C1QTNF2: variants seen among roughly 807,000 people sequenced by gnomAD.
The protein encoded by C1QTNF2 is C1q and TNF related 2, also known as complement C1q tumor necrosis factor-related protein 2.
C1QTNF2 carries 15 observed loss-of-function variants against 17.4 expected under a neutral mutation model. The ratio of observed to expected loss-of-function variants is 0.86; its 90% CI spans 0.58 to 1.33. The LOEUF is 1.33. Among genes scored for constraint, C1QTNF2 ranks in the 40% most tolerant of loss-of-function variants. The pLI is 0.00. For synonymous variants in C1QTNF2, 154 were observed against 163.3 expected, an observed-to-expected ratio of 0.94 and a Z score of 0.44; for missense variants, 381 against 392.3, an observed-to-expected ratio of 0.97 and a Z score of 0.24.
Position 160,354,596 on chromosome 5 carries a change from AAG to A in C1QTNF2, c.244+170_244+171del, listed in dbSNP as rs1491019054. Among the ~76,000 whole-genome samples, 389 of 49,620 alleles carry A rather than the reference AAG, an allele frequency of 7.8e-3. 3 individuals carry two copies. The highest frequency in any genetic ancestry group is 0.029 in the African/African-American group (321 of 10,982). 32.6% of individuals were successfully genotyped at this position (49,620 alleles called of 152,430 possible). On this transcript the variant is annotated intron_variant, in intron 2 of 2. Coordinates refer to ENST00000652664, the MANE Select transcript of C1QTNF2 (RefSeq NM_031908.6). ...TCTGTCTCAAGGGGAAAAAAAAAAA[AAG>A]TATATATATATATATATATATATAT...
chr5:160,349,083 AC>A lies in C1QTNF2; in HGVS notation c.*84del. On this transcript the variant is annotated 3_prime_UTR_variant, in exon 3 of 3. Transcript: ENST00000652664. The surrounding 1 kb of genome is among the most constrained non-coding windows in gnomAD (Gnocchi z 4.3). ...GCTAGAACCGCTCACTCGACCCCCCACCCCCAGCCTACAGTTGTGGGGTCTT... is the reference window on the plus strand; with the variant it reads ...GCTAGAACCGCTCACTCGACCCCCCACCCCAGCCTACAGTTGTGGGGTCTT... The A allele has an allele frequency of 6.6e-7, 1 of 1,504,966 alleles. No homozygotes were observed. The allele number at this position is 1,504,966 out of a possible 1,614,324, so 93.2% of individuals were successfully genotyped here.
At chr5:160,363,958 T>G (rs555933787) in intron 1 of C1QTNF2, among the ~76,000 whole-genome samples, 2 of 151,974 alleles carry the variant, frequency 1.3e-5, no homozygotes, top group South Asian at 2.1e-4. Flanking sequence ...GGTGGGGGAG[T>G]GGGTGTGAGC....
At chr5:160,356,372 G>A (rs923302154) in intron 1 of C1QTNF2, among the ~76,000 whole-genome samples, 15 of 152,192 alleles carry the variant, frequency 9.9e-5, no homozygotes, top group African/African-American at 2.7e-4. Context: ...ACTTCAGTGC[G>A]CATCACACTC....
intron 1 of C1QTNF2, among the ~76,000 whole-genome samples, chr5:160,357,891 C>T (rs1418068614): frequency 6.6e-6 from 1 of 151,138 alleles, no homozygotes; most frequent in African/African-American, 2.4e-5. Flanking sequence ...GAAAAGAGAG[C>T]CAGCCGGACG....
chr5:160,359,788 G>C (rs2113524077), intron 1 of C1QTNF2, among the ~76,000 whole-genome samples: 1 of 152,296 alleles, frequency 6.6e-6, no homozygotes, highest in South Asian at 2.1e-4. Context: ...TGAACCAAAA[G>C]ATCAGGGTGT....
At position 160,349,039 on chromosome 5, in the gene C1QTNF2, C is replaced by T. The variant is rs1763853803; in HGVS notation, c.*129G>A. The T allele has an allele frequency of 9.0e-6, 10 of 1,113,790 alleles. No individual in the cohort carries two copies. The highest frequency in any genetic ancestry group is 6.5e-5 in the South Asian group (4 of 61,390). The allele number at this position is 1,113,790 out of a possible 1,614,324, so 69.0% of individuals were successfully genotyped here. A position where few individuals can be genotyped will look rare whatever the true frequency, so the allele number is the denominator to read the frequency against. The stretch of plus-strand genomic sequence containing the variant: ...ATTTAATGAAGGGGAAAAAAAGAGG[C>T]AGAGGAGGTGAGCCTGAGGCTAGAA... On this transcript the variant is annotated 3_prime_UTR_variant, in exon 3 of 3. Transcript: ENST00000652664. This position sits in a 1 kb window ranked among gnomAD's most constrained non-coding sequence, Gnocchi z 4.3.
intron 2 of C1QTNF2, among the ~76,000 whole-genome samples, chr5:160,350,835 C>A (rs1329963885): frequency 6.6e-6 from 1 of 151,546 alleles, no homozygotes; most frequent in Non-Finnish European, 1.5e-5. Flanking sequence ...ACTGCAAGCT[C>A]CGCCTCCCAG....
intron 1 of C1QTNF2, among the ~76,000 whole-genome samples, chr5:160,359,141 AT>A (rs1018813899): frequency 1.2e-4 from 17 of 147,808 alleles, no homozygotes; most frequent in African/African-American, 3.2e-4. Flanking sequence ...TTATTGTCCC[AT>A]TTTTTTTTTC....
intron 1 of C1QTNF2, among the ~76,000 whole-genome samples, chr5:160,367,325 C>T (rs1226327099): frequency 6.6e-6 from 1 of 152,218 alleles, no homozygotes; most frequent in Non-Finnish European, 1.5e-5. Flanking sequence ...GGCAGGTCAA[C>T]AGGTAGCTGC....
rs1763879303 is a variant in C1QTNF2 at position 160,349,717 on chromosome 5, C to G, written c.309G>C (p.Gly103=). The G allele has an allele frequency of 1.9e-6, 3 of 1,571,538 alleles. No homozygotes were observed. The South Asian group carries it at 3.6e-5, about 19-fold the overall frequency. The part of the protein sequence containing the change: ...PGPKGKAGAI[G]RAGPRGPKGV... ...CCTTGGGGCCACGGGGGCCAGCCCG[C>G]CCAATGGCCCCGGCTTTGCCCTTTG... The change falls in exon 3 of 3, where the codon GGG becomes GGC. Residue 103 remains glycine, a synonymous_variant. Transcript: ENST00000652664. This position sits in a 1 kb window ranked among gnomAD's most constrained non-coding sequence, Gnocchi z 4.3.
chr5:160,363,298 C>T (rs763119408), intron 1 of C1QTNF2, among the ~76,000 whole-genome samples: 9 of 152,326 alleles, frequency 5.9e-5, no homozygotes, highest in African/African-American at 1.9e-4. Context: ...GGCTGGCTGC[C>T]GCTCCTCACA....
At chr5:160,365,579 C>T (rs1430961514) in intron 1 of C1QTNF2, among the ~76,000 whole-genome samples, 1 of 152,008 alleles carries the variant, frequency 6.6e-6, no homozygotes, top group Non-Finnish European at 1.5e-5. Flanking sequence ...CCTCACCCCG[C>T]CATCTCTACA....
chr5:160,353,081 G>T (rs1430270620), intron 2 of C1QTNF2, among the ~76,000 whole-genome samples: 1 of 152,060 alleles, frequency 6.6e-6, no homozygotes, highest in Non-Finnish European at 1.5e-5. Flanking sequence ...CAAAGTTCAC[G>T]TTCTTGCGAG....
intron 1 of C1QTNF2, among the ~76,000 whole-genome samples, chr5:160,364,997 G>A (rs191583383): frequency 6.6e-6 from 1 of 152,318 alleles, no homozygotes; most frequent in Admixed American, 6.5e-5. Flanking sequence ...TGGGGAATTA[G>A]AGGTGAAAAG....
intron 1 of C1QTNF2, among the ~76,000 whole-genome samples, chr5:160,366,896 T>C (rs1396666204): frequency 7.4e-6 from 1 of 135,134 alleles, no homozygotes; most frequent in East Asian, 1.9e-4. Flanking sequence ...TGGTGGTGCA[T>C]GCCTGTAGTC....
At chr5:160,350,026 C>T (rs1206371665) in intron 2 of C1QTNF2, among the ~76,000 whole-genome samples, 1 of 152,212 alleles carries the variant, frequency 6.6e-6, no homozygotes, top group African/African-American at 2.4e-5. Flanking sequence ...TAACAGTTCA[C>T]ACCCTTTCCT....
At chr5:160,353,788 C>CTTTTTTTTTTTTTTTTTTT in intron 2 of C1QTNF2, among the ~76,000 whole-genome samples, 1 of 85,980 alleles carries the variant, frequency 1.2e-5, no homozygotes, top group Non-Finnish European at 2.1e-5. Flanking sequence ...ACTTCTCAGG[C>CTTTTTTTTTTTTTTTTTTT]TTTTTTTTTT....
intron 1 of C1QTNF2, among the ~76,000 whole-genome samples, chr5:160,369,197 T>C (rs1328127173): frequency 6.6e-6 from 1 of 152,222 alleles, no homozygotes; most frequent in Non-Finnish European, 1.5e-5. Context: ...TTTACTTTTC[T>C]CTTTCTACCT....
chr5:160,367,802 A>T (rs1764273513), intron 1 of C1QTNF2, among the ~76,000 whole-genome samples: 1 of 152,214 alleles, frequency 6.6e-6, no homozygotes, highest in Non-Finnish European at 1.5e-5. Context: ...CCATTCCTAT[A>T]TACATTGTGC....
Sources: allele counts gnomAD v4.1 joint callset (sites outside exome capture counted in the v4.1 genomes callset), GRCh38; gene constraint gnomAD v4.1.1; non-coding constraint Gnocchi (gnomAD v3.1); transcripts MANE v1.5; gene names NCBI Gene and HGNC (gene_info 2026-07-23, HGNC 2026-07-21).